CCDC38: variants seen among roughly 807,000 people sequenced by gnomAD.
CCDC38 encodes the protein coiled-coil domain-containing protein 38.
A neutral mutation model predicts 72.8 loss-of-function variants in CCDC38; 69 were observed. The observed-to-expected ratio is 0.95, with a 90% CI of 0.78 to 1.16. The LOEUF is 1.16. CCDC38 is among the 50% of genes most tolerant of loss of function. CCDC38 has a pLI of 0.00. For synonymous variants in CCDC38, 201 were observed against 213.2 expected (o/e 0.94, Z 0.50); for missense variants, 626 against 638.9 (o/e 0.98, Z 0.22).
In CCDC38 at chr12:95,879,789, C is replaced by T. The variant is rs1295447008; in HGVS notation, c.997G>A (p.Ala333Thr). 3 of 1,598,812 alleles carry T rather than the reference C, an allele frequency of 1.9e-6. No homozygotes were observed. Among genetic ancestry groups the T allele is most frequent in the Non-Finnish European group, 2.6e-6 (3 of 1,173,662 alleles). Residue 333 changes from alanine to threonine, a missense_variant, in exon 12 of 16, where the codon GCA (alanine) becomes ACA (threonine). Physicochemically the swap from Ala to Thr is moderately conservative, Grantham distance 58 (BLOSUM62 0). Coordinates refer to ENST00000344280, the MANE Select transcript of CCDC38 (RefSeq NM_182496.3). The surrounding 1 kb of genome is among the most constrained non-coding windows in gnomAD (Gnocchi z 5.5). The stretch of plus-strand genomic sequence containing the variant: ...TCCTCTGGTTCCTTGAAATAAAGTG[C>T]TGGCTCCTAATTAATCAATAATGAA... The part of the protein sequence containing the change: ...DDEMDVDLEP[A>T]LYFKEPEELL...
At chr12:95,919,207 G>A (rs2080177169) in intron 2 of CCDC38, among the ~76,000 whole-genome samples, 2 of 152,200 alleles carry the variant, frequency 1.3e-5, no homozygotes, top group South Asian at 4.1e-4. Flanking sequence ...AGACTCCAGG[G>A]ATATCTCATG....
chr12:95,903,376 C>A, intron 5 of CCDC38: 1 of 691,888 alleles, frequency 1.4e-6, no homozygotes, highest in Non-Finnish European at 2.6e-6. Flanking sequence ...AAATGTCTTT[C>A]ATTTTTTTTT....
At chr12:95,942,820 A>G (rs1592817626), upstream of CCDC38, 1 of 150,972 alleles carries the variant, frequency 6.6e-6, no homozygotes, top group African/African-American at 2.5e-5. Flanking sequence ...GGTTTCCCCC[A>G]CTCTGTCCTC....
intron 7 of CCDC38, among the ~76,000 whole-genome samples, chr12:95,895,691 T>C (rs536567057): frequency 7.1e-6 from 1 of 140,712 alleles, no homozygotes; most frequent in African/African-American, 2.7e-5. Flanking sequence ...TGGCAGAGGT[T>C]GCAGTGGGCC....
Position 95,898,701 on chromosome 12 carries a change from T to C in CCDC38, c.400A>G (p.Lys134Glu). Residue 134 changes from lysine (K) to glutamate (E), a missense_variant, in exon 6 of 16, where the codon AAA becomes GAA. Transcript: ENST00000344280. ...YALSTKRNTI[K>E]KFEKDIAMRE... The stretch of plus-strand genomic sequence containing the variant: ...ATTGCTATGTCTTTTTCAAACTTTT[T>C]GATTGTGTTTCTTTTGGTTGACAAA... The C allele has an allele frequency of 6.2e-7, 1 of 1,613,942 alleles. No homozygotes were observed. Among genetic ancestry groups the C allele is most frequent in the Non-Finnish European group, 8.5e-7 (1 of 1,179,978 alleles).
chr12:95,884,116 A>G (rs2121438556), intron 10 of CCDC38, among the ~76,000 whole-genome samples: 1 of 152,362 alleles, frequency 6.6e-6, no homozygotes, highest in Middle Eastern at 3.4e-3. Flanking sequence ...GATAAAAGGC[A>G]TAAAGATCAG....
In CCDC38 at chr12:95,888,462, A is replaced by G. The variant is rs540318367; in HGVS notation, c.916T>C (p.Ser306Pro). The G allele has an allele frequency of 1.9e-6, 3 of 1,613,924 alleles. No homozygotes were observed. Among genetic ancestry groups the G allele is most frequent in the Admixed American group, 1.7e-5 (1 of 60,000 alleles). The change falls in exon 10 of 16, where the codon TCA (serine) becomes CCA (proline). Residue 306 changes from serine to proline, a missense_variant. By Grantham distance (74) the Ser-to-Pro change is moderately conservative. Transcript: ENST00000344280. The stretch of plus-strand genomic sequence containing the variant: ...TTAGTCAAGTATATACTGTACTTTG[A>G]TTTCTTTTTCTCTGGAGTGCGAGTC... ...SLTRTPEKKK[S>P]NLAESFGSED...
Position 95,906,450 on chromosome 12 carries a change from A to G in CCDC38, c.306T>C (p.Gly102=), listed in dbSNP as rs924131845. 2 of 1,610,516 alleles carry G rather than the reference A, an allele frequency of 1.2e-6. No individual in the cohort carries two copies. ...GPAPIPRLIE[G]SDTKRTVHEF... ...CATGGACAGTCCTTTTTGTGTCGGAACCTGTGAAGAAAGTTGAAATAGACT... is the reference window on the plus strand; with the variant it reads ...CATGGACAGTCCTTTTTGTGTCGGAGCCTGTGAAGAAAGTTGAAATAGACT... The change falls in exon 5 of 16, where the codon GGT becomes GGC. Residue 102 remains glycine (G), a splice_region_variant and synonymous_variant. Transcript: ENST00000344280.
intron 13 of CCDC38, among the ~76,000 whole-genome samples, chr12:95,872,774 C>G (rs998827918): frequency 3.3e-5 from 5 of 152,208 alleles, no homozygotes; most frequent in African/African-American, 1.2e-4. Flanking sequence ...GGGGCTTCAC[C>G]GTGTTGGCCA....
At chr12:95,938,335 T>C (rs190872818) in intron 1 of CCDC38, among the ~76,000 whole-genome samples, 66 of 152,316 alleles carry the variant, frequency 4.3e-4, no homozygotes, top group Admixed American at 2.1e-3. Flanking sequence ...AATTTTACAC[T>C]CTGTACTCAT....
At chr12:95,931,761 G>A (rs760099649) in intron 2 of CCDC38, among the ~76,000 whole-genome samples, 17 of 152,154 alleles carry the variant, frequency 1.1e-4, no homozygotes, top group Non-Finnish European at 1.5e-5. Flanking sequence ...TAACTTTTAT[G>A]TTTTAAAGTA....
In CCDC38 at chr12:95,931,904, C is replaced by A. The variant is rs539818779; in HGVS notation, c.37+4569G>T. On this transcript the variant is annotated intron_variant, in intron 2 of 15. Coordinates refer to ENST00000344280, the MANE Select transcript of CCDC38 (RefSeq NM_182496.3). ...TTGAGAGAACCAGTCAAGTGGATAT[C>A]TGAGGAAGAGAGGTACTGGCTGTGG... Among the ~76,000 whole-genome samples, 5 of 152,224 alleles carry A rather than the reference C, an allele frequency of 3.3e-5. No homozygotes were observed. The South Asian group carries it at 6.2e-4, about 19-fold the overall frequency.
chr12:95,908,332 C>T (rs1194549367), intron 4 of CCDC38, among the ~76,000 whole-genome samples: 4 of 149,690 alleles, frequency 2.7e-5, no homozygotes, highest in East Asian at 2.0e-4. Flanking sequence ...CGTGGCGGCG[C>T]GCGCCTGCAA....
Position 95,906,142 on chromosome 12 carries a change from A to C in CCDC38, c.369+245T>G, listed in dbSNP as rs80216269. The stretch of plus-strand genomic sequence containing the variant: ...TTTTCTGATAGGTTCCAGGAAGTAT[A>C]AAACCTTGTCTGGGATATTAGAATG... On this transcript the variant is annotated intron_variant, in intron 5 of 15. Coordinates refer to ENST00000344280, the MANE Select transcript of CCDC38 (RefSeq NM_182496.3). Among the ~76,000 whole-genome samples, 1,351 of 152,358 alleles carry C rather than the reference A, an allele frequency of 8.9e-3. 15 individuals carry two copies. Among genetic ancestry groups the C allele is most frequent in the African/African-American group, 0.028 (1,158 of 41,578 alleles).
intron 3 of CCDC38, among the ~76,000 whole-genome samples, chr12:95,918,248 T>A (rs991337496): frequency 6.6e-6 from 1 of 152,186 alleles, no homozygotes; most frequent in African/African-American, 2.4e-5. Context: ...TTATCATTGA[T>A]CTAGCTTCAT....
chr12:95,870,180 A>G (rs1034083396), intron 14 of CCDC38, among the ~76,000 whole-genome samples: 1 of 152,236 alleles, frequency 6.6e-6, no homozygotes, highest in Non-Finnish European at 1.5e-5. Flanking sequence ...GAAATGTCAC[A>G]TACATACAGA....
chr12:95,920,869 G>A (rs527675685), intron 2 of CCDC38, among the ~76,000 whole-genome samples: 63 of 152,216 alleles, frequency 4.1e-4, no homozygotes, highest in East Asian at 1.5e-3. Context: ...GTGGTCACAC[G>A]TATAATCCCA....
intron 13 of CCDC38, among the ~76,000 whole-genome samples, chr12:95,875,762 C>T (rs2079629216): frequency 6.6e-6 from 1 of 152,184 alleles, no homozygotes; most frequent in Non-Finnish European, 1.5e-5. Context: ...GAGTGCAATA[C>T]ATGAATGCCA....
intron 4 of CCDC38, among the ~76,000 whole-genome samples, chr12:95,910,586 G>A (rs958379545): frequency 5.3e-5 from 8 of 152,172 alleles, no homozygotes; most frequent in African/African-American, 1.9e-4. Context: ...TTCAGGCTGG[G>A]CATGGTGGCT....
Sources: allele counts gnomAD v4.1 joint callset (sites outside exome capture counted in the v4.1 genomes callset), GRCh38; gene constraint gnomAD v4.1.1; non-coding constraint Gnocchi (gnomAD v3.1); transcripts MANE v1.5; gene names NCBI Gene and HGNC (gene_info 2026-07-23, HGNC 2026-07-21).